Variants in MYO16 observed in about 807,000 individuals in gnomAD.
The protein encoded by MYO16 is myosin XVI, also known as unconventional myosin-XVI.
MYO16 carries 94 observed loss-of-function variants against 205.3 expected under a neutral mutation model. The observed-to-expected ratio is 0.46, with a 90% CI of 0.39 to 0.54. The LOEUF (loss-of-function observed/expected upper bound fraction) is 0.54, where lower values mean the gene tolerates loss of function less well. Among genes scored for constraint, MYO16 ranks in the 20% least tolerant of loss-of-function variants. The pLI, the probability that MYO16 is intolerant of heterozygous loss-of-function variation, is 0.00. For missense variants in MYO16, 2,315 were observed against 2,387.5 expected, an observed-to-expected ratio of 0.97 and a Z score of 0.63; for synonymous variants, 988 against 954.0, an observed-to-expected ratio of 1.04 and a Z score of -0.66.
intron 12 of MYO16, among the ~76,000 whole-genome samples, chr13:108,881,033 C>A (rs1263154636): frequency 6.6e-6 from 1 of 152,160 alleles, no homozygotes; most frequent in Non-Finnish European, 1.5e-5. Flanking sequence ...TTGGGAGACA[C>A]CTCCCAGTAG....
At chr13:109,173,903 A>T (rs1468751860) in intron 33 of MYO16, among the ~76,000 whole-genome samples, 1 of 143,092 alleles carries the variant, frequency 7.0e-6, no homozygotes, top group Non-Finnish European at 1.5e-5. Flanking sequence ...AAAAAAAAAA[A>T]AAAAAAAAAA....
At chr13:108,564,405 A>G in the MYO16 span, among the ~76,000 whole-genome samples, 2 of 152,098 alleles carry the variant, frequency 1.3e-5, no homozygotes, top group Non-Finnish European at 1.5e-5. Flanking sequence ...TCCTGACCTC[A>G]TGATCTGCCC....
At chr13:108,741,070 C>A (rs1047344306) in intron 4 of MYO16, among the ~76,000 whole-genome samples, 1 of 152,058 alleles carries the variant, frequency 6.6e-6, no homozygotes, top group Non-Finnish European at 1.5e-5. Context: ...TTCCCTGACC[C>A]CTTGTGCTTC....
chr13:108,714,871 A>G (rs1471810491), intron 3 of MYO16, among the ~76,000 whole-genome samples: 1 of 152,042 alleles, frequency 6.6e-6, no homozygotes, highest in African/African-American at 2.4e-5. Context: ...CCACACCACC[A>G]CCATCTCTCA....
intron 12 of MYO16, among the ~76,000 whole-genome samples, chr13:108,867,097 A>G (rs1878757337): frequency 6.6e-6 from 1 of 152,044 alleles, no homozygotes; most frequent in Non-Finnish European, 1.5e-5. Flanking sequence ...TAATTCTAGC[A>G]CTTTGGAGGA....
At position 109,008,920 on chromosome 13, in the gene MYO16, G is replaced by A; in HGVS notation, c.2466G>A (p.Glu822=). ...AGCTTTGTGTCAACATGACCAATGA[G>A]AAGATGCACCACTATATCAATGAAG... ...FEQLCVNMTN[E]KMHHYINEVL... is the part of the protein sequence containing the mutation. Residue 822 remains glutamate (E), a synonymous_variant, in exon 22 of 35, where the codon GAG becomes GAA. Coordinates refer to ENST00000457511, the MANE Select transcript of MYO16 (RefSeq NM_001198950.3). The A allele has an allele frequency of 1.2e-6, 2 of 1,613,128 alleles. No homozygotes were observed. The highest frequency in any genetic ancestry group is 1.7e-6 in the Non-Finnish European group (2 of 1,179,560).
At chr13:109,121,700 G>A (rs1316642134) in intron 29 of MYO16, among the ~76,000 whole-genome samples, 2 of 152,188 alleles carry the variant, frequency 1.3e-5, no homozygotes, top group Non-Finnish European at 2.9e-5. Context: ...CCACAGCCCT[G>A]GCCTCAGAGA....
the MYO16 span, among the ~76,000 whole-genome samples, chr13:108,508,873 A>T: frequency 6.6e-6 from 1 of 152,076 alleles, no homozygotes; most frequent in Non-Finnish European, 1.5e-5. Flanking sequence ...AGAGTGAGGG[A>T]TGGGACTTAC....
At chr13:108,594,431 CCTT>C (rs1479894614), upstream of MYO16, among the ~76,000 whole-genome samples, 9 of 152,210 alleles carry the variant, frequency 5.9e-5, no homozygotes, top group Non-Finnish European at 8.8e-5. Flanking sequence ...CTCTTTCCCT[CCTT>C]CACAATGCCT....
At chr13:109,100,756 T>C in intron 27 of MYO16, 29 bp from the exon 28 acceptor site, 1 of 1,559,560 alleles carries the variant, frequency 6.4e-7, no homozygotes, top group Non-Finnish European at 8.8e-7. Flanking sequence ...AATGCAGTCA[T>C]TGCTTTCTGT....
At chr13:108,687,175 G>A (rs1424097555) in intron 2 of MYO16, among the ~76,000 whole-genome samples, 1 of 152,188 alleles carries the variant, frequency 6.6e-6, no homozygotes, top group Non-Finnish European at 1.5e-5. Context: ...TTTATGTTAA[G>A]CATAAATATA....
At position 109,055,150 on chromosome 13, in the gene MYO16, A is replaced by G. The variant is rs1276543019; in HGVS notation, c.3129+24A>G. Reference sequence around the variant, plus strand: ...GGGTTAGTGACGTTTTCAGATTTCAAAAACTTAATGTATGTTTATAGCAAC... The same window carrying G: ...GGGTTAGTGACGTTTTCAGATTTCAGAAACTTAATGTATGTTTATAGCAAC... On this transcript the variant is annotated intron_variant, in intron 26 of 34. Coordinates refer to ENST00000457511, the MANE Select transcript of MYO16 (RefSeq NM_001198950.3). This position sits in a 1 kb window ranked among gnomAD's most constrained non-coding sequence, Gnocchi z 5.0. The G allele has an allele frequency of 6.6e-7, 1 of 1,526,358 alleles. No individual in the cohort carries two copies. The highest frequency in any genetic ancestry group is 2.2e-5 in the Admixed American group (1 of 46,346). The allele number at this position is 1,526,358 out of a possible 1,614,324, so 94.6% of individuals were successfully genotyped here. A position where few individuals can be genotyped will look rare whatever the true frequency, so the allele number is the denominator to read the frequency against.
intron 16 of MYO16, among the ~76,000 whole-genome samples, chr13:108,943,874 C>T (rs921860011): frequency 2.0e-5 from 3 of 152,216 alleles, no homozygotes; most frequent in African/African-American, 4.8e-5. Flanking sequence ...CGAGAGCCAC[C>T]GCCACCGGCT....
intron 2 of MYO16, among the ~76,000 whole-genome samples, chr13:108,704,949 A>AC (rs1491456178): frequency 3.2e-4 from 48 of 150,084 alleles, no homozygotes; most frequent in East Asian, 5.9e-4. Flanking sequence ...AAAAAAAAAA[A>AC]CAAAAAAAAA....
intron 21 of MYO16, among the ~76,000 whole-genome samples, chr13:108,993,290 G>C (rs1424075197): frequency 2.6e-5 from 4 of 152,144 alleles, no homozygotes; most frequent in Non-Finnish European, 5.9e-5. Flanking sequence ...TGGCCAAGAT[G>C]AAGACTCTAT....
intron 23 of MYO16, among the ~76,000 whole-genome samples, chr13:109,022,141 AT>A (rs1384024640): frequency 6.6e-5 from 6 of 90,588 alleles, no homozygotes; most frequent in African/African-American, 3.5e-4. Flanking sequence ...ACATATATAT[AT>A]TTATATATAC....
At chr13:108,832,278 G>A (rs1219167540) in intron 9 of MYO16, among the ~76,000 whole-genome samples, 1 of 151,732 alleles carries the variant, frequency 6.6e-6, no homozygotes, top group Non-Finnish European at 1.5e-5. Flanking sequence ...GAGTAGCTGG[G>A]ATTATAGGTG....
intron 31 of MYO16, among the ~76,000 whole-genome samples, chr13:109,138,687 T>C (rs1162529560): frequency 2.6e-5 from 4 of 152,124 alleles, no homozygotes; most frequent in East Asian, 1.9e-4. Flanking sequence ...TTGTTAAGGA[T>C]TGAAATGTAC....
In MYO16 at chr13:108,867,384, A is replaced by G. The variant is rs1594355518; in HGVS notation, c.1425+1142A>G. ...CCGTCTCTAAATAGAATAAAGTAAA[A>G]TTAAATTAAATTAAAAAGTCAGTGC... On this transcript the variant is annotated intron_variant, in intron 12 of 34. Coordinates refer to ENST00000457511, the MANE Select transcript of MYO16 (RefSeq NM_001198950.3). 2.0e-5 allele frequency among the ~76,000 whole-genome samples: 3 copies of G among 152,144 alleles called. No homozygotes were observed. In the South Asian group the frequency reaches 6.2e-4, roughly 32 times the overall value.
Sources: allele counts gnomAD v4.1 joint callset (sites outside exome capture counted in the v4.1 genomes callset), GRCh38; gene constraint gnomAD v4.1.1; non-coding constraint Gnocchi (gnomAD v3.1); transcripts MANE v1.5; gene names NCBI Gene and HGNC (gene_info 2026-07-23, HGNC 2026-07-21).